Variants in GSE1 observed in about 807,000 individuals in gnomAD.
GSE1 encodes genetic suppressor element 1.
In GSE1, 32 loss-of-function variants were observed where a neutral mutation model predicts 112.6. The ratio of observed to expected loss-of-function variants is 0.28; its 90% CI spans 0.21 to 0.38. GSE1 has a LOEUF of 0.38. Ranked by LOEUF, GSE1 falls within the 10% of genes least tolerant of loss-of-function variation. The pLI, the probability that GSE1 is intolerant of heterozygous loss-of-function variation, is 1.00. For synonymous variants in GSE1, 1,115 were observed against 735.6 expected (o/e 1.52, Z -8.35); for missense variants, 2,348 against 1,699.2 (o/e 1.38, Z -6.71).
chr16:85,344,876 G>C (rs569974226), intron 1 of GSE1, among the ~76,000 whole-genome samples: 1 of 152,240 alleles, frequency 6.6e-6, no homozygotes, highest in South Asian at 2.1e-4. Flanking sequence ...GCTTCAGAAC[G>C]AGCTGTCTGC....
At chr16:85,312,147 C>T (rs1008599627) in intron 1 of GSE1, among the ~76,000 whole-genome samples, 1 of 143,990 alleles carries the variant, frequency 6.9e-6, no homozygotes, top group African/African-American at 2.7e-5. Context: ...CCATCCCCTC[C>T]CGTGTGCCCA....
chr16:85,555,151 C>CTT, upstream of GSE1: 1 of 985,456 alleles, frequency 1.0e-6, no homozygotes, highest in Non-Finnish European at 1.2e-6. Context: ...CGCCCCTACC[C>CTT]TTTCGCTTTC....
Position 85,601,525 on chromosome 16 carries a change from G to C in GSE1, c.37+45162G>C, listed in dbSNP as rs565108671. On this transcript the variant is annotated intron_variant, in intron 1 of 2. Transcript: ENST00000635906. Reference sequence around the variant, plus strand: ...AGGCAATCAGGTAGAAATCAAGGTGGGGGGGTGACCTGGGGACCCACTGCC... The same window carrying C: ...AGGCAATCAGGTAGAAATCAAGGTGCGGGGGTGACCTGGGGACCCACTGCC... Among the ~76,000 whole-genome samples, 13 of 152,204 alleles carry C rather than the reference G, an allele frequency of 8.5e-5. No individual in the cohort carries two copies. The East Asian group carries it at 1.7e-3, about 20-fold the overall frequency.
intron 1 of GSE1, among the ~76,000 whole-genome samples, chr16:85,290,823 C>T (rs1192737214): frequency 6.6e-6 from 1 of 152,210 alleles, no homozygotes; most frequent in African/African-American, 2.4e-5. Context: ...GCATTCTCTC[C>T]TGCTCCTCAG....
intron 2 of GSE1, among the ~76,000 whole-genome samples, chr16:85,416,458 T>TCCA (rs1491541238): frequency 6.7e-6 from 1 of 150,338 alleles, no homozygotes; most frequent in African/African-American, 2.5e-5. Context: ...CAGGTGGGAG[T>TCCA]CCACCGGGCG....
At chr16:85,359,371 A>G in intron 2 of GSE1, 1 of 456,018 alleles carries the variant, frequency 2.2e-6, no homozygotes, top group Admixed American at 2.3e-5. Context: ...CCAGGAAACC[A>G]GAGTCCTCCG....
chr16:85,420,384 T>C (rs1392470786), intron 2 of GSE1, among the ~76,000 whole-genome samples: 1 of 152,026 alleles, frequency 6.6e-6, no homozygotes. Context: ...GCCACGCAGT[T>C]TGTAGCTCTG....
At position 85,668,311 on chromosome 16, in the gene GSE1, CGGAGGA is replaced by C. The variant is rs546302698; in HGVS notation, c.3309_3314del (p.Glu1106_Glu1107del). ...CCAACCCAGGAGTTGGACCGGGACT[CGGAGGA>C]GGAGGAAGAGGAGGATGATGAAGAT... On this transcript the variant is annotated inframe_deletion, in exon 14 of 16. Coordinates refer to ENST00000253458, the MANE Select transcript of GSE1 (RefSeq NM_014615.5). 6 of 1,612,370 alleles carry C rather than the reference CGGAGGA, an allele frequency of 3.7e-6. No individual in the cohort carries two copies. The highest frequency in any genetic ancestry group is 1.7e-4 in the Middle Eastern group (1 of 6,036).
At chr16:85,453,710 G>A (rs2049747019) in intron 2 of GSE1, among the ~76,000 whole-genome samples, 2 of 152,094 alleles carry the variant, frequency 1.3e-5, no homozygotes, top group Admixed American at 6.6e-5. Flanking sequence ...CTTTCCTGTG[G>A]GGGGATCCTA....
intron 2 of GSE1, among the ~76,000 whole-genome samples, chr16:85,390,475 T>C (rs945320921): frequency 6.6e-6 from 1 of 152,180 alleles, no homozygotes; most frequent in Non-Finnish European, 1.5e-5. Context: ...TTCGTGTCCC[T>C]CCATATAACA....
At chr16:85,506,721 G>A (rs962217805) in intron 2 of GSE1, among the ~76,000 whole-genome samples, 1 of 151,646 alleles carries the variant, frequency 6.6e-6, no homozygotes, top group Admixed American at 6.6e-5. Context: ...ACGTCGATTA[G>A]CCCTGTGCCA....
chr16:85,398,687 G>A (rs2048022059), intron 2 of GSE1, among the ~76,000 whole-genome samples: 1 of 152,124 alleles, frequency 6.6e-6, no homozygotes, highest in South Asian at 2.1e-4. Flanking sequence ...GCTCATTTCA[G>A]ATGCTACAAC....
chr16:85,554,955 G>C (rs2045125597), upstream of GSE1: 5 of 985,274 alleles, frequency 5.1e-6, no homozygotes, highest in South Asian at 4.7e-5. Context: ...GTTTGGAGAG[G>C]CGAGCCCGGC....
At chr16:85,470,346 G>T (rs571344453) in intron 2 of GSE1, among the ~76,000 whole-genome samples, 2 of 152,218 alleles carry the variant, frequency 1.3e-5, no homozygotes, top group South Asian at 2.1e-4. Context: ...GCCAGACTAA[G>T]CTCAGCACAC....
chr16:85,603,483 C>G (rs989256150), intron 1 of GSE1, among the ~76,000 whole-genome samples: 14 of 152,180 alleles, frequency 9.2e-5, no homozygotes, highest in Non-Finnish European at 2.1e-4. Context: ...CAGGGACAGG[C>G]AGAGGCCTTC....
chr16:85,419,844 T>C lies in GSE1; in HGVS notation c.2464+62201T>C, dbSNP rs532672619. Among the ~76,000 whole-genome samples, 180 of 149,710 alleles carry C rather than the reference T, an allele frequency of 1.2e-3. No individual in the cohort carries two copies. The highest frequency in any genetic ancestry group is 2.1e-3 in the Non-Finnish European group (144 of 67,532). ...CCAGCCAGGAACTCCACAGGTGAAG[T>C]GGAGTGGGCAGCCAGGGCTGACCAC... is the stretch of plus-strand genomic sequence containing the variant. On this transcript the variant is annotated intron_variant, in intron 2 of 2. Transcript: ENST00000637419. This position sits in a 1 kb window ranked among gnomAD's most constrained non-coding sequence, Gnocchi z 6.5.
At chr16:85,309,139 G>T (rs757047948) in intron 1 of GSE1, among the ~76,000 whole-genome samples, 4 of 151,750 alleles carry the variant, frequency 2.6e-5, no homozygotes, top group African/African-American at 4.8e-5. Flanking sequence ...TCTCGACCCA[G>T]GCCGCCCACA....
intron 1 of GSE1, among the ~76,000 whole-genome samples, chr16:85,587,245 G>C (rs1479465962): frequency 6.6e-6 from 1 of 152,294 alleles, no homozygotes; most frequent in Non-Finnish European, 1.5e-5. Context: ...GAGCGGACGG[G>C]AGAAATAAAG....
chr16:85,402,571 A>G (rs2048140810), intron 2 of GSE1, among the ~76,000 whole-genome samples: 1 of 152,126 alleles, frequency 6.6e-6, no homozygotes, highest in African/African-American at 2.4e-5. Context: ...CGGCACTTTG[A>G]AGAGAGCTTG....
Sources: allele counts gnomAD v4.1 joint callset (sites outside exome capture counted in the v4.1 genomes callset), GRCh38; gene constraint gnomAD v4.1.1; non-coding constraint Gnocchi (gnomAD v3.1); transcripts MANE v1.5; gene names NCBI Gene and HGNC (gene_info 2026-07-23, HGNC 2026-07-21).